HNRNPK: variants seen among roughly 807,000 people sequenced by gnomAD.
HNRNPK encodes heterogeneous nuclear ribonucleoprotein K.
Under a neutral mutation model 67.0 loss-of-function variants are expected in HNRNPK, and 7 were observed. The observed-to-expected ratio is 0.10, with a 90% CI of 0.06 to 0.20. The LOEUF (loss-of-function observed/expected upper bound fraction) is 0.20, where lower values mean the gene tolerates loss of function less well. Ranked by LOEUF, HNRNPK falls within the 10% of genes least tolerant of loss-of-function variation. The pLI is 1.00. For missense variants in HNRNPK, 264 were observed against 606.5 expected (o/e 0.44, Z 5.93); for synonymous variants, 213 against 193.7 (o/e 1.10, Z -0.83).
At chr9:83,971,570 G>GT (rs1956843733) in intron 12 of HNRNPK, 102 bp downstream of exon 12, 1 of 999,964 alleles carries the variant, frequency 1.0e-6, no homozygotes, top group Non-Finnish European at 1.5e-6. Context: ...AAATTTACTT[G>GT]TAAGAAAAAC....
chr9:83,978,683 A>C (rs1957189293), intron 1 of HNRNPK, among the ~76,000 whole-genome samples: 1 of 152,244 alleles, frequency 6.6e-6, no homozygotes, highest in Non-Finnish European at 1.5e-5. Context: ...CACTGGATTA[A>C]GTCCCACCAC....
intron 15 of HNRNPK, 78 bp from the exon 16 acceptor site, chr9:83,970,409 T>TTA: frequency 9.1e-7 from 1 of 1,098,762 alleles, no homozygotes; most frequent in Non-Finnish European, 1.3e-6. Flanking sequence ...GAGCATGAAG[T>TTA]TATTAATTTT....
rs1210211726 is a variant in HNRNPK, at chr9:83,978,230, T to A, written c.23A>T (p.Glu8Val). ...ATTGGTTTCAGTGTTAGGGAAGGTT[T>A]CTTCTGGCTGTTCAGTTTCCATATT... The part of the protein sequence containing the change: METEQPE[E>V]TFPNTETNGE... The change falls in exon 3 of 17, where the codon GAA becomes GTA. Residue 8 changes from glutamate to valine, a missense_variant. Physicochemically the swap from Glu to Val is moderately radical, Grantham distance 121. Coordinates refer to ENST00000376263, the MANE Select transcript of HNRNPK (RefSeq NM_031263.4). 6.2e-7 allele frequency: 1 copy of A among 1,612,816 alleles called. No individual in the cohort carries two copies. The highest frequency in any genetic ancestry group is 8.5e-7 in the Non-Finnish European group (1 of 1,179,164).
At chr9:83,978,130 T>G in intron 3 of HNRNPK, 65 bp downstream of exon 3, 2 of 1,051,270 alleles carry the variant, frequency 1.9e-6, no homozygotes, top group South Asian at 2.6e-5. Flanking sequence ...AGGCAATAAT[T>G]AACAGAAAAA....
rs1443257682 is a variant in HNRNPK at position 83,971,675 on chromosome 9, G to C, written c.1005C>G (p.Gly335=). The change falls in exon 12 of 17, where the codon GGC becomes GGG. Residue 335 remains glycine, a synonymous_variant. Coordinates refer to ENST00000376263, the MANE Select transcript of HNRNPK (RefSeq NM_031263.4). ...GGTAATAAACCAAAGTTCTTACCAT[G>C]CCGTCGTAACGGTCTCCAGGTCTCC... ...RRGRPGDRYD[G]MVGFSADETW... is the part of the protein sequence containing the mutation. The C allele has an allele frequency of 3.1e-6, 5 of 1,612,646 alleles. No homozygotes were observed.
chr9:83,972,289 C>G (rs889109728), intron 10 of HNRNPK, 100 bp from the exon 11 acceptor site: 66 of 869,544 alleles, frequency 7.6e-5, no homozygotes, highest in Non-Finnish European at 1.1e-4. Flanking sequence ...TAAGTCATTC[C>G]CCCATCAGGA....
chr9:83,978,117 CTAAGGCAATAATTAACAGAA>C, intron 3 of HNRNPK, 58 bp downstream of exon 3: 1 of 933,012 alleles, frequency 1.1e-6, no homozygotes, highest in South Asian at 1.3e-5. Flanking sequence ...CCACACACTC[CTAAGGCAATAATTAACAGAA>C]AAAGGCAATT....
rs1169166322 is a variant in HNRNPK, at chr9:83,968,174, A to C, written c.*1233T>G. The C allele has an allele frequency of 6.6e-6, 1 of 152,590 alleles. No homozygotes were observed. The highest frequency in any genetic ancestry group is 1.5e-5 in the Non-Finnish European group (1 of 68,030). The allele number at this position is 152,590 out of a possible 1,614,324, so 9.5% of individuals were successfully genotyped here. ...CCTTGTTCAAATCGGGCACACATCA[A>C]ATCTAGCATCATGGGTGTTTTATTT... On this transcript the variant is annotated 3_prime_UTR_variant, in exon 17 of 17. Transcript: ENST00000376263.
intron 15 of HNRNPK, 70 bp from the exon 16 acceptor site, chr9:83,970,401 G>T: frequency 8.4e-7 from 1 of 1,197,464 alleles, no homozygotes; most frequent in South Asian, 1.4e-5. Flanking sequence ...TTTTCAAGGA[G>T]CATGAAGTTA....
At chr9:83,974,398 T>TA in intron 7 of HNRNPK, 119 bp downstream of exon 7, 1 of 535,778 alleles carries the variant, frequency 1.9e-6, no homozygotes, top group Non-Finnish European at 3.3e-6. Context: ...CAGGTTAAGA[T>TA]ACTGCTACAA....
At chr9:83,977,108 C>T in intron 4 of HNRNPK, 57 bp from the exon 5 acceptor site, 2 of 1,200,488 alleles carry the variant, frequency 1.7e-6, no homozygotes, top group Non-Finnish European at 2.5e-6. Flanking sequence ...TTAATAGCTA[C>T]CTACGCTCTT....
intron 1 of HNRNPK, among the ~76,000 whole-genome samples, chr9:83,979,614 G>C (rs563297899): frequency 6.6e-6 from 1 of 152,232 alleles, no homozygotes; most frequent in Non-Finnish European, 1.5e-5. Flanking sequence ...TCCTCACCCG[G>C]ATCCGACAGG....
chr9:83,973,886 T>C lies in HNRNPK; in HGVS notation c.402+16A>G. The C allele has an allele frequency of 6.2e-7, 1 of 1,602,692 alleles. No individual in the cohort carries two copies. Among genetic ancestry groups the C allele is most frequent in the Middle Eastern group, 1.7e-4 (1 of 5,884 alleles). On this transcript the variant is annotated intron_variant, in intron 8 of 16. Coordinates refer to ENST00000376263, the MANE Select transcript of HNRNPK (RefSeq NM_031263.4). ...GGCTCCATACTTCAGTGGGGTTCAA[T>C]GGCACTATGACATACATTTAAGCAT...
At chr9:83,970,407 A>C in intron 15 of HNRNPK, 76 bp from the exon 16 acceptor site, 1 of 1,166,852 alleles carries the variant, frequency 8.6e-7, no homozygotes, top group South Asian at 1.5e-5. Flanking sequence ...AGGAGCATGA[A>C]GTTATTAATT....
chr9:83,977,912 T>G, intron 3 of HNRNPK, 126 bp from the exon 4 acceptor site: 1 of 636,852 alleles, frequency 1.6e-6, no homozygotes, highest in Middle Eastern at 2.7e-4. Flanking sequence ...TGCTACAGAC[T>G]TGAACGTTAT....
At position 83,977,113 on chromosome 9, in the gene HNRNPK, G is replaced by A. The variant is rs545801821; in HGVS notation, c.157-62C>T. ...TTCCCTAAAATTAATAGCTACCTACGCTCTTAGATTTTGCTAAAAAATCCT... is the reference window on the plus strand; with the variant it reads ...TTCCCTAAAATTAATAGCTACCTACACTCTTAGATTTTGCTAAAAAATCCT... On this transcript the variant is annotated intron_variant, in intron 4 of 16. Coordinates refer to ENST00000376263, the MANE Select transcript of HNRNPK (RefSeq NM_031263.4). 1.1e-4 allele frequency: 123 copies of A among 1,149,008 alleles called. No homozygotes were observed. The East Asian group carries it at 1.6e-3, about 15-fold the overall frequency. The allele number at this position is 1,149,008 out of a possible 1,614,324, so 71.2% of individuals were successfully genotyped here.
At position 83,978,471 on chromosome 9, in the gene HNRNPK, A is replaced by C; in HGVS notation, c.-107-19T>G. On this transcript the variant is annotated intron_variant, in intron 1 of 16. Coordinates refer to ENST00000376263, the MANE Select transcript of HNRNPK (RefSeq NM_031263.4). ...CAGTAGCCTATAAGAACCAACACAAATCAGTTTTGCTTTTGTTTATTCTTA... is the reference window on the plus strand; with the variant it reads ...CAGTAGCCTATAAGAACCAACACAACTCAGTTTTGCTTTTGTTTATTCTTA... The C allele has an allele frequency of 3.5e-6, 3 of 852,392 alleles. No individual in the cohort carries two copies. Among genetic ancestry groups the C allele is most frequent in the Non-Finnish European group, 4.8e-6 (3 of 630,904 alleles). The allele number at this position is 852,392 out of a possible 1,614,324, so 52.8% of individuals were successfully genotyped here.
chr9:83,973,077 T>C (rs989684215), intron 9 of HNRNPK, 105 bp from the exon 10 acceptor site: 95 of 862,634 alleles, frequency 1.1e-4, no homozygotes, highest in Non-Finnish European at 2.3e-5. Flanking sequence ...CCCCACAATA[T>C]AAAAACTTCA....
In HNRNPK at chr9:83,978,177, A is replaced by G. The variant is rs1196727807; in HGVS notation, c.58+18T>C. ...AACAGGATAAAAAAATACTGTTAAAACTAAAATTTCTTCTCACCAAATTCA... is the reference window on the plus strand; with the variant it reads ...AACAGGATAAAAAAATACTGTTAAAGCTAAAATTTCTTCTCACCAAATTCA... On this transcript the variant is annotated intron_variant, in intron 3 of 16. Coordinates refer to ENST00000376263, the MANE Select transcript of HNRNPK (RefSeq NM_031263.4). The G allele has an allele frequency of 6.5e-7, 1 of 1,530,920 alleles. No homozygotes were observed. Among genetic ancestry groups the G allele is most frequent in the East Asian group, 2.2e-5 (1 of 44,522 alleles). 94.8% of individuals were successfully genotyped at this position (1,530,920 alleles called of 1,614,324 possible).
Sources: allele counts gnomAD v4.1 joint callset (sites outside exome capture counted in the v4.1 genomes callset), GRCh38; gene constraint gnomAD v4.1.1; transcripts MANE v1.5; gene names NCBI Gene and HGNC (gene_info 2026-07-23, HGNC 2026-07-21).